The following MACF1 variants were observed in gnomAD, a reference collection of about 807,000 sequenced individuals.
MACF1 encodes the protein microtubule-actin cross-linking factor 1.
In MACF1, 193 loss-of-function variants were observed where a neutral mutation model predicts 854.8. The ratio of observed to expected loss-of-function variants is 0.23; its 90% CI spans 0.20 to 0.25. The LOEUF (loss-of-function observed/expected upper bound fraction) is 0.25, where lower values mean the gene tolerates loss of function less well. Among genes scored for constraint, MACF1 ranks in the 10% least tolerant of loss-of-function variants. The pLI is 1.00. For synonymous variants in MACF1, 3,185 were observed against 3,226.7 expected (o/e 0.99, Z 0.44); for missense variants, 7,722 against 8,929.1 (o/e 0.86, Z 5.45).
chr1:39,385,496 G>A lies in MACF1; in HGVS notation c.13911G>A (p.Gln4637=). ...ATGAGCAACTGAATGAGGCAGCTCA[G>A]GGCATCCTAACAGGCCCTGGAGATG... ...QQHEQLNEAA[Q]GILTGPGDVS... The change falls in exon 57 of 101, where the codon CAG becomes CAA. Residue 4637 remains glutamine (Q), a synonymous_variant. Coordinates refer to ENST00000564288, the MANE Select transcript of MACF1 (RefSeq NM_001394062.1). 1 of 1,614,176 alleles carries A rather than the reference G, an allele frequency of 6.2e-7. No individual in the cohort carries two copies. Among genetic ancestry groups the A allele is most frequent in the Non-Finnish European group, 8.5e-7 (1 of 1,180,030 alleles).
At chr1:39,296,754 G>GAAA (rs1645912913) in intron 20 of MACF1, among the ~76,000 whole-genome samples, 1 of 57,716 alleles carries the variant, frequency 1.7e-5, no homozygotes, top group African/African-American at 5.0e-5. Flanking sequence ...AAGAAAGAAA[G>GAAA]GAAGGAAGGA....
intron 23 of MACF1, 90 bp from the exon 24 acceptor site, chr1:39,309,480 T>C: frequency 6.7e-7 from 1 of 1,490,590 alleles, no homozygotes; most frequent in Non-Finnish European, 9.2e-7. Context: ...AGCTCAATTC[T>C]GCTAAGGCAA....
chr1:39,473,350 G>A (rs1644813209), intron 97 of MACF1, among the ~76,000 whole-genome samples: 1 of 152,280 alleles, frequency 6.6e-6, no homozygotes, highest in Non-Finnish European at 1.5e-5. Flanking sequence ...ATCACAAAAT[G>A]CAAAGGTTGC....
At chr1:39,214,870 G>A (rs1644557359) in intron 1 of MACF1, among the ~76,000 whole-genome samples, 1 of 152,212 alleles carries the variant, frequency 6.6e-6, no homozygotes, top group Non-Finnish European at 1.5e-5. Flanking sequence ...GGAGCAAGTT[G>A]TTGGGCAATG....
intron 58 of MACF1, chr1:39,410,167 G>C: frequency 1.1e-6 from 1 of 901,900 alleles, no homozygotes; most frequent in Non-Finnish European, 1.6e-6. Context: ...TTTGGGGTAT[G>C]AACAGCTAAA....
rs748509958 is a variant in MACF1, at chr1:39,333,579, A to G, written c.6991A>G (p.Met2331Val). The G allele has an allele frequency of 2.5e-6, 4 of 1,614,256 alleles. No individual in the cohort carries two copies. The highest frequency in any genetic ancestry group is 3.3e-5 in the Admixed American group (2 of 60,034). The change falls in exon 37 of 101, where the codon ATG (methionine) becomes GTG (valine). Residue 2331 changes from methionine (M) to valine (V), a missense_variant. By Grantham distance (21) the Met-to-Val change is conservative. Around this residue, in one of 15 missense-constraint regions of MACF1, gnomAD observed 1,531 missense variants for 1,601.6 expected, o/e 0.96. Transcript: ENST00000564288. Reference sequence around the variant, plus strand: ...CGTGAAGCTTATGGAGAAGCTGAACATGTTTCAGGGGTTCTTTGACTCTCA... The same window carrying G: ...CGTGAAGCTTATGGAGAAGCTGAACGTGTTTCAGGGGTTCTTTGACTCTCA... ...TAVKLMEKLN[M>V]FQGFFDSQTC... is the part of the protein sequence containing the mutation.
chr1:39,337,562 A>ATTT (rs35312351), intron 38 of MACF1, among the ~76,000 whole-genome samples: 45,935 of 100,094 alleles, frequency 0.46, 12,676 homozygotes, highest in Non-Finnish European at 0.51. Context: ...AATTACTACC[A>ATTT]TTTTTTTTTT....
chr1:39,461,475 CAT>C lies in MACF1; in HGVS notation c.21524-406_21524-405del, dbSNP rs1491157371. 2.6e-5 allele frequency among the ~76,000 whole-genome samples: 4 copies of C among 152,110 alleles called. No individual in the cohort carries two copies. The East Asian group carries it at 7.8e-4, about 30-fold the overall frequency. ...TATTATTTTTCAGGAAAAATCAAGACATAAATTTTTTTGCTCTTAAGAAGTAT... is the reference window on the plus strand; with the variant it reads ...TATTATTTTTCAGGAAAAATCAAGACAAATTTTTTTGCTCTTAAGAAGTAT... On this transcript the variant is annotated intron_variant, in intron 92 of 100. Coordinates refer to ENST00000564288, the MANE Select transcript of MACF1 (RefSeq NM_001394062.1).
Position 39,317,194 on chromosome 1 carries a change from C to G in MACF1, c.3589-20C>G, listed in dbSNP as rs1327525011. ...AGCATGGAAAGTATACAACCTGTTTCTGTACTTATGTTTCCACAGCACTGG... is the reference window on the plus strand; with the variant it reads ...AGCATGGAAAGTATACAACCTGTTTGTGTACTTATGTTTCCACAGCACTGG... On this transcript the variant is annotated intron_variant, in intron 28 of 100. Transcript: ENST00000564288. 2 of 1,610,326 alleles carry G rather than the reference C, an allele frequency of 1.2e-6. No individual in the cohort carries two copies. Among genetic ancestry groups the G allele is most frequent in the Non-Finnish European group, 1.7e-6 (2 of 1,178,278 alleles).
At position 39,397,855 on chromosome 1, in the gene MACF1, AACAGAT is replaced by A. The variant is rs554826077; in HGVS notation, c.15816+9203_15816+9208del. ...GTCAGAGACCATCTATAGTAAGGGA[AACAGAT>A]ACAGAGAATTACAGTGGTACTGATG... On this transcript the variant is annotated intron_variant, in intron 58 of 100. Coordinates refer to ENST00000564288, the MANE Select transcript of MACF1 (RefSeq NM_001394062.1). 2.3e-4 allele frequency among the ~76,000 whole-genome samples: 35 copies of A among 152,356 alleles called. No homozygotes were observed. In the East Asian group the frequency reaches 6.6e-3, roughly 29 times the overall value.
At chr1:39,399,821 A>G (rs1642409025) in intron 58 of MACF1, among the ~76,000 whole-genome samples, 1 of 152,114 alleles carries the variant, frequency 6.6e-6, no homozygotes, top group Admixed American at 6.5e-5. Context: ...CAGTTAATTC[A>G]CTTTTGTGTC....
chr1:39,424,217 G>T, intron 61 of MACF1, 23 bp downstream of exon 61: 2 of 1,604,416 alleles, frequency 1.2e-6, no homozygotes, highest in South Asian at 2.2e-5. Flanking sequence ...GAATTTTGAG[G>T]AGTGGGTCAG....
intron 2 of MACF1, among the ~76,000 whole-genome samples, chr1:39,174,057 T>C (rs1035379180): frequency 6.6e-6 from 1 of 152,172 alleles, no homozygotes; most frequent in African/African-American, 2.4e-5. Flanking sequence ...TACCGCACAT[T>C]TGTGCAGAGA....
rs564736899 is a variant in MACF1 at position 39,385,666 on chromosome 1, A to C, written c.14081A>C (p.Asp4694Ala). 9.9e-5 allele frequency: 159 copies of C among 1,614,156 alleles called. 1 individual carries two copies. In the South Asian group the frequency reaches 1.7e-3, roughly 17 times the overall value. Reference protein sequence around the residue: ...KSTQYQELLQDLSEKVRAVGQ... With the variant: ...KSTQYQELLQALSEKVRAVGQ... ...ACCCAGTACCAGGAACTGCTCCAGG[A>C]CTTATCAGAGAAGGTGAGGGCAGTT... Residue 4694 changes from aspartate to alanine, a missense_variant, in exon 57 of 101, where the codon GAC becomes GCC. Transcript: ENST00000564288.
intron 14 of MACF1, among the ~76,000 whole-genome samples, chr1:39,286,921 C>T (rs1249774048): frequency 6.6e-6 from 1 of 152,156 alleles, no homozygotes; most frequent in East Asian, 1.9e-4. Flanking sequence ...ATAACACTTT[C>T]TAAACACTTT....
intron 40 of MACF1, among the ~76,000 whole-genome samples, chr1:39,343,640 A>G (rs1646983038): frequency 6.6e-6 from 1 of 152,238 alleles, no homozygotes. Flanking sequence ...TTTTCTAGTG[A>G]TAGTTTCCTA....
At chr1:39,412,187 G>A in intron 58 of MACF1, 1 of 1,613,938 alleles carries the variant, frequency 6.2e-7, no homozygotes. Context: ...CAAACTGAGG[G>A]GAATGGTGAG....
Position 39,084,564 on chromosome 1 carries a change from T to A in MACF1, c.220+126T>A, listed in dbSNP as rs1190449182. 1 of 747,348 alleles carries A rather than the reference T, an allele frequency of 1.3e-6. No homozygotes were observed. The highest frequency in any genetic ancestry group is 2.1e-6 in the Non-Finnish European group (1 of 467,988). 46.3% of individuals were successfully genotyped at this position (747,348 alleles called of 1,614,324 possible). On this transcript the variant is annotated intron_variant, in intron 2 of 93. Transcript: ENST00000361689. The surrounding 1 kb of genome is among the most constrained non-coding windows in gnomAD (Gnocchi z 5.2). ...CTCTGACAAAGCAGCCATCATCTGA[T>A]TTGTTATTATTATTCTTGGAAAGAC...
intron 2 of MACF1, among the ~76,000 whole-genome samples, chr1:39,124,499 C>T (rs1358070992): frequency 6.6e-6 from 1 of 152,180 alleles, no homozygotes; most frequent in African/African-American, 2.4e-5. Context: ...AGCACTGAGT[C>T]TAGCACAGCC....
Sources: gnomAD v4.1 joint callset for allele counts (sites outside exome capture counted in the v4.1 genomes callset) on GRCh38, gnomAD v4.1.1 for gene constraint, gnomAD v4.1.1 regional missense constraint, Gnocchi (gnomAD v3.1) non-coding constraint, MANE v1.5 for transcripts, NCBI Gene and HGNC (gene_info 2026-07-23, HGNC 2026-07-21) for gene names.